CSMD1: variants seen among roughly 807,000 people sequenced by gnomAD.
The protein encoded by CSMD1 is CUB and sushi domain-containing protein 1.
In CSMD1, 213 loss-of-function variants were observed where a neutral mutation model predicts 417.5. That is an observed-to-expected ratio of 0.51 (90% CI 0.46 to 0.57). CSMD1 has a LOEUF of 0.57. Among genes scored for constraint, CSMD1 ranks in the 20% least tolerant of loss-of-function variants. CSMD1 has a pLI of 0.00. For synonymous variants in CSMD1, 2,862 were observed against 1,736.8 expected (o/e 1.65, Z -16.11); for missense variants, 6,923 against 4,529.7 (o/e 1.53, Z -15.17).
chr8:3,877,340 G>T (rs1263124118), intron 5 of CSMD1, among the ~76,000 whole-genome samples: 1 of 152,164 alleles, frequency 6.6e-6, no homozygotes, highest in African/African-American at 2.4e-5. Context: ...GTCCATGATG[G>T]GGGAGGCATG....
At chr8:4,348,756 TA>T (rs1387550982) in intron 3 of CSMD1, among the ~76,000 whole-genome samples, 1 of 152,150 alleles carries the variant, frequency 6.6e-6, no homozygotes, top group African/African-American at 2.4e-5. Flanking sequence ...GTTAAAATTG[TA>T]GAAAATAAAC....
In CSMD1 at chr8:4,393,091, T is replaced by C. The variant is rs1229525338; in HGVS notation, c.415+26862A>G. 3.9e-5 allele frequency among the ~76,000 whole-genome samples: 6 copies of C among 152,102 alleles called. No individual in the cohort carries two copies. The East Asian group carries it at 1.2e-3, about 30-fold the overall frequency. On this transcript the variant is annotated intron_variant, in intron 3 of 69. Coordinates refer to ENST00000635120, the MANE Select transcript of CSMD1 (RefSeq NM_033225.6). ...CCGGGGTTCAAGCGATTCTCGTGCC[T>C]CAATCTCCCGAGTAGCTGGGATTAC... is the stretch of plus-strand genomic sequence containing the variant.
chr8:4,429,363 T>C (rs1797741348), intron 2 of CSMD1, among the ~76,000 whole-genome samples: 1 of 152,054 alleles, frequency 6.6e-6, no homozygotes, highest in South Asian at 2.1e-4. Context: ...TATACACACA[T>C]TTTACACACA....
At position 3,290,638 on chromosome 8, in the gene CSMD1, G is replaced by A. The variant is rs1017280076; in HGVS notation, c.3951-6292C>T. 7.5e-5 allele frequency among the ~76,000 whole-genome samples: 11 copies of A among 147,088 alleles called. 1 individual carries two copies. Among genetic ancestry groups the A allele is most frequent in the African/African-American group, 2.4e-4 (9 of 36,904 alleles). On this transcript the variant is annotated intron_variant, in intron 25 of 69. Coordinates refer to ENST00000635120, the MANE Select transcript of CSMD1 (RefSeq NM_033225.6). The stretch of plus-strand genomic sequence containing the variant: ...TTGGCTCTCTGTTTGTCTGTTATTG[G>A]CGTATGAGAATAGTTGTGATTTTTG...
rs374599133 is a variant in CSMD1 at position 4,823,050 on chromosome 8, AT to A, written c.85+171281del. On this transcript the variant is annotated intron_variant, in intron 1 of 69. Transcript: ENST00000635120. ...TTCCATCACTGTGTCTGTGAAATGCATTTTTGCCACTCTGTCCACTAAATTT... is the reference window on the plus strand; with the variant it reads ...TTCCATCACTGTGTCTGTGAAATGCATTTTGCCACTCTGTCCACTAAATTT... Among the ~76,000 whole-genome samples the A allele has an allele frequency of 4.6e-3, 707 of 152,166 alleles. 5 individuals carry two copies. Among genetic ancestry groups the A allele is most frequent in the African/African-American group, 0.016 (671 of 41,552 alleles).
chr8:3,683,235 A>G (rs1018347266), intron 7 of CSMD1, among the ~76,000 whole-genome samples: 1 of 151,590 alleles, frequency 6.6e-6, no homozygotes, highest in Non-Finnish European at 1.5e-5. Flanking sequence ...ATAAAATAAT[A>G]AAAAATAAAT....
chr8:3,223,163 A>G (rs1054596954), intron 28 of CSMD1, among the ~76,000 whole-genome samples: 10 of 152,240 alleles, frequency 6.6e-5, no homozygotes, highest in Admixed American at 6.5e-4. Flanking sequence ...GTTTATTTTC[A>G]TAAAATGACT....
At chr8:4,264,979 G>A (rs1024410435) in intron 3 of CSMD1, among the ~76,000 whole-genome samples, 1 of 152,098 alleles carries the variant, frequency 6.6e-6, no homozygotes, top group African/African-American at 2.4e-5. Flanking sequence ...AGCTGAATTA[G>A]CAACAATTAA....
Position 3,948,756 on chromosome 8 carries a change from G to C in CSMD1, c.818+49147C>G, listed in dbSNP as rs982115606. 4.6e-5 allele frequency among the ~76,000 whole-genome samples: 7 copies of C among 152,204 alleles called. No homozygotes were observed. The East Asian group carries it at 1.4e-3, about 29-fold the overall frequency. On this transcript the variant is annotated intron_variant, in intron 5 of 69. Transcript: ENST00000635120. The stretch of plus-strand genomic sequence containing the variant: ...AGTGACTTAATCAGCTAGAAAAGAT[G>C]AGCATTTCTTCAATATGACTATTAC...
chr8:4,405,373 G>A (rs753568541), intron 3 of CSMD1, among the ~76,000 whole-genome samples: 4 of 151,172 alleles, frequency 2.6e-5, no homozygotes, highest in South Asian at 4.2e-4. Context: ...TTTAGATTCT[G>A]GCACAAACTA....
intron 2 of CSMD1, among the ~76,000 whole-genome samples, chr8:4,582,710 G>A (rs1450609020): frequency 6.6e-6 from 1 of 152,246 alleles, no homozygotes; most frequent in African/African-American, 2.4e-5. Context: ...TCCTCTGCCT[G>A]GGCTCCCACT....
chr8:4,503,969 C>CAAA (rs200846437), intron 2 of CSMD1, among the ~76,000 whole-genome samples: 1 of 85,786 alleles, frequency 1.2e-5, no homozygotes, highest in Non-Finnish European at 2.4e-5. Flanking sequence ...CTTGCATATT[C>CAAA]AAAAAAAAAA....
chr8:4,432,397 T>A (rs1412896711), intron 2 of CSMD1, among the ~76,000 whole-genome samples: 3 of 152,118 alleles, frequency 2.0e-5, no homozygotes, highest in Admixed American at 6.5e-5. Flanking sequence ...CTAAGGCAGG[T>A]TTCATGTTAT....
At chr8:3,499,025 G>C (rs1019456913) in intron 10 of CSMD1, among the ~76,000 whole-genome samples, 3 of 152,166 alleles carry the variant, frequency 2.0e-5, no homozygotes, top group African/African-American at 7.2e-5. Flanking sequence ...ATTAGAAAAT[G>C]ATTTTGTTCC....
At chr8:3,186,294 T>A (rs753739857) in intron 36 of CSMD1, among the ~76,000 whole-genome samples, 3 of 152,156 alleles carry the variant, frequency 2.0e-5, no homozygotes, top group Non-Finnish European at 4.4e-5. Flanking sequence ...GGAAGAGCTA[T>A]GTGGTCAGGG....
intron 10 of CSMD1, among the ~76,000 whole-genome samples, chr8:3,521,240 G>C (rs1797496015): frequency 6.6e-6 from 1 of 152,108 alleles, no homozygotes; most frequent in South Asian, 2.1e-4. Flanking sequence ...CACTGTTGCT[G>C]ATTTCCCCAG....
At chr8:4,143,091 C>T (rs1803889037) in intron 3 of CSMD1, among the ~76,000 whole-genome samples, 1 of 149,894 alleles carries the variant, frequency 6.7e-6, no homozygotes, top group South Asian at 2.1e-4. Flanking sequence ...GACATGATAT[C>T]TTCATCTATT....
chr8:4,253,578 A>C (rs1803234072), intron 3 of CSMD1, among the ~76,000 whole-genome samples: 1 of 152,192 alleles, frequency 6.6e-6, no homozygotes, highest in Non-Finnish European at 1.5e-5. Flanking sequence ...GGTATACTTC[A>C]AAGCAGTAAA....
intron 4 of CSMD1, among the ~76,000 whole-genome samples, chr8:4,007,669 T>C (rs1297919522): frequency 2.0e-5 from 3 of 150,652 alleles, no homozygotes; most frequent in Non-Finnish European, 4.5e-5. Flanking sequence ...AGAAGTATTC[T>C]TTCTTCCTCT....
Sources: allele counts gnomAD v4.1 joint callset (sites outside exome capture counted in the v4.1 genomes callset), GRCh38; gene constraint gnomAD v4.1.1; transcripts MANE v1.5; gene names NCBI Gene and HGNC (gene_info 2026-07-23, HGNC 2026-07-21).